C3orf20: variants seen among roughly 807,000 people sequenced by gnomAD.
C3orf20 encodes family with sequence similarity 149 member C.
A neutral mutation model predicts 88.3 loss-of-function variants in C3orf20; 76 were observed. That is an observed-to-expected ratio of 0.86 (90% CI 0.72 to 1.04). The LOEUF (loss-of-function observed/expected upper bound fraction) is 1.04, where lower values mean the gene tolerates loss of function less well. C3orf20 is among the 50% of genes least tolerant of loss of function. The pLI, the probability that C3orf20 is intolerant of heterozygous loss-of-function variation, is 0.00. For synonymous variants in C3orf20, 436 were observed against 437.4 expected (o/e 1.00, Z 0.04); for missense variants, 1,056 against 1,123.3 (o/e 0.94, Z 0.86).
intron 15 of C3orf20, among the ~76,000 whole-genome samples, chr3:14,762,010 C>A (rs1425336656): frequency 2.6e-5 from 4 of 152,222 alleles, no homozygotes; most frequent in Admixed American, 1.3e-4. Flanking sequence ...TACACCCCCT[C>A]TCTGTCCCAC....
intron 7 of C3orf20, among the ~76,000 whole-genome samples, chr3:14,707,445 TTGTGTGTGTGTGTGTGTGTG>T (rs36047273): frequency 0.011 from 1,539 of 136,434 alleles, 22 homozygotes; most frequent in African/African-American, 0.039. Context: ...GCATCTTTTC[TTGTGTGTGTGTGTGTGTGTG>T]TGTGTGTGTG....
intron 1 of C3orf20, 142 bp downstream of exon 1, chr3:14,675,394 G>C (rs750508676): frequency 6.6e-6 from 1 of 152,340 alleles, no homozygotes; most frequent in Non-Finnish European, 1.5e-5. Context: ...TTATCTTCAT[G>C]TTTAAAGTGT....
intron 13 of C3orf20, 41 bp downstream of exon 13, chr3:14,757,715 C>T (rs1376798189): frequency 6.4e-7 from 1 of 1,573,390 alleles, no homozygotes; most frequent in Non-Finnish European, 8.6e-7. Context: ...AGGCCAGGGG[C>T]AGGGGTAGTG....
Position 14,757,637 on chromosome 3 carries a change from A to G in C3orf20, c.2207A>G (p.Asn736Ser), listed in dbSNP as rs969901407. The change falls in exon 13 of 17, where the codon AAC becomes AGC. Residue 736 changes from asparagine to serine, a missense_variant. By Grantham distance (46) the Asn-to-Ser change is conservative. Transcript: ENST00000253697. ...CAGTGGCTGCTGAACACTCTCTACA[A>G]CCACCAGCAGCGGGGCCGTGGCTCC... ...QLQWLLNTLY[N>S]HQQRGRGSPC... 5 of 1,612,028 alleles carry G rather than the reference A, an allele frequency of 3.1e-6. No homozygotes were observed. The Admixed American group carries it at 6.7e-5, about 22-fold the overall frequency.
chr3:14,688,529 C>CAAAAAAAAA (rs35979290), intron 4 of C3orf20, among the ~76,000 whole-genome samples: 4 of 105,808 alleles, frequency 3.8e-5, no homozygotes, highest in Non-Finnish European at 5.4e-5. Context: ...GAGACTGTCT[C>CAAAAAAAAA]AAAAAAAAAA....
At chr3:14,737,864 C>G (rs774745014) in intron 12 of C3orf20, among the ~76,000 whole-genome samples, 6 of 152,204 alleles carry the variant, frequency 3.9e-5, no homozygotes, top group Non-Finnish European at 7.3e-5. Flanking sequence ...TTTGTCATTT[C>G]ATCAATGTTT....
At chr3:14,684,837 C>T (rs746080898) in intron 4 of C3orf20, among the ~76,000 whole-genome samples, 2 of 152,160 alleles carry the variant, frequency 1.3e-5, no homozygotes, top group Non-Finnish European at 2.9e-5. Flanking sequence ...ACAGGCTGCA[C>T]TCGAGTCATA....
At chr3:14,759,763 G>T in intron 13 of C3orf20, 128 bp from the exon 14 acceptor site, 1 of 710,554 alleles carries the variant, frequency 1.4e-6, no homozygotes, top group South Asian at 1.7e-5. Flanking sequence ...GGAGCAGGAG[G>T]AGTTGGGGAG....
Position 14,772,044 on chromosome 3 carries a change from C to T in C3orf20, c.2496-23C>T, listed in dbSNP as rs755345034. 1 of 1,613,988 alleles carries T rather than the reference C, an allele frequency of 6.2e-7. No homozygotes were observed. The highest frequency in any genetic ancestry group is 1.1e-5 in the South Asian group (1 of 91,064). On this transcript the variant is annotated intron_variant, in intron 15 of 16. Coordinates refer to ENST00000253697, the MANE Select transcript of C3orf20 (RefSeq NM_032137.5). The surrounding 1 kb of genome is among the most constrained non-coding windows in gnomAD (Gnocchi z 4.2). ...GTGCACCCTGGGCCCTGAGCACTGC[C>T]CCCGACCCTGCCTCCCCTGCAGTGT...
intron 12 of C3orf20, among the ~76,000 whole-genome samples, chr3:14,729,399 G>T (rs1014511512): frequency 6.6e-6 from 1 of 152,200 alleles, no homozygotes; most frequent in Admixed American, 6.5e-5. Flanking sequence ...TGGTATGTGT[G>T]AGAGAGTAAG....
At chr3:14,714,661 T>C (rs2033876275) in intron 8 of C3orf20, among the ~76,000 whole-genome samples, 3 of 152,216 alleles carry the variant, frequency 2.0e-5, no homozygotes, top group African/African-American at 7.2e-5. Context: ...TGAAGTGCAG[T>C]GGCATGATTA....
chr3:14,703,330 TC>T, intron 6 of C3orf20, 68 bp downstream of exon 6: 1 of 1,604,262 alleles, frequency 6.2e-7, no homozygotes, highest in South Asian at 1.1e-5. Context: ...CAGCTGGGAG[TC>T]CCTGTGTATA....
rs763554370 is a variant in C3orf20, at chr3:14,684,279, G to T, written c.522G>T (p.Val174=). The change falls in exon 4 of 17, where the codon GTG becomes GTT. Residue 174 remains valine, a synonymous_variant. Coordinates refer to ENST00000253697, the MANE Select transcript of C3orf20 (RefSeq NM_032137.5). The part of the protein sequence containing the change: ...ANPLDITRRF[V]EASQLLHLNA... ...CCTTGGACATCACCAGGCGCTTTGT[G>T]GAGGCCAGCCAGCTCCTCCACCTCA... 1 of 1,614,056 alleles carries T rather than the reference G, an allele frequency of 6.2e-7. No individual in the cohort carries two copies. Among genetic ancestry groups the T allele is most frequent in the South Asian group, 1.1e-5 (1 of 91,086 alleles).
Position 14,772,714 on chromosome 3 carries a change from T to C in C3orf20, c.2631-77T>C, listed in dbSNP as rs930486253. The C allele has an allele frequency of 8.9e-5, 110 of 1,234,204 alleles. 3 individuals carry two copies. The South Asian group carries it at 9.2e-4, about 10-fold the overall frequency. 76.5% of individuals were successfully genotyped at this position (1,234,204 alleles called of 1,614,324 possible). A position where few individuals can be genotyped will look rare whatever the true frequency, so the allele number is the denominator to read the frequency against. On this transcript the variant is annotated intron_variant, in intron 16 of 16. Coordinates refer to ENST00000253697, the MANE Select transcript of C3orf20 (RefSeq NM_032137.5). The surrounding 1 kb of genome is among the most constrained non-coding windows in gnomAD (Gnocchi z 4.2). ...GCAAGGGAGAGGGCCTTGCCCCTCC[T>C]GGCCCAACCGGGCCTGGGCTCTGGG...
intron 12 of C3orf20, among the ~76,000 whole-genome samples, chr3:14,745,593 G>A (rs2035035900): frequency 6.6e-6 from 1 of 151,972 alleles, no homozygotes; most frequent in East Asian, 1.9e-4. Flanking sequence ...ATATACATTT[G>A]TGATATCACA....
intron 6 of C3orf20, among the ~76,000 whole-genome samples, chr3:14,704,081 A>C (rs1262259385): frequency 6.6e-6 from 1 of 152,040 alleles, no homozygotes; most frequent in East Asian, 1.9e-4. Flanking sequence ...ACTTCCACAC[A>C]CACTCCTACT....
At chr3:14,718,353 C>A (rs868075898) in intron 9 of C3orf20, among the ~76,000 whole-genome samples, 1 of 152,098 alleles carries the variant, frequency 6.6e-6, no homozygotes, top group Non-Finnish European at 1.5e-5. Flanking sequence ...TTTAAAATTT[C>A]AGATTTACAT....
At chr3:14,738,164 C>CT (rs35948176) in intron 12 of C3orf20, among the ~76,000 whole-genome samples, 38,906 of 107,326 alleles carry the variant, frequency 0.36, 8,494 homozygotes, top group East Asian at 0.48. Context: ...ACAAATATTC[C>CT]TTTTTTTTTT....
chr3:14,767,093 G>A (rs1575166856), intron 15 of C3orf20: 1 of 152,364 alleles, frequency 6.6e-6, no homozygotes, highest in East Asian at 1.9e-4. Context: ...ATCTACCTAG[G>A]ACTGGAGCTA....
Sources: allele counts gnomAD v4.1 joint callset (sites outside exome capture counted in the v4.1 genomes callset), GRCh38; gene constraint gnomAD v4.1.1; non-coding constraint Gnocchi (gnomAD v3.1); transcripts MANE v1.5; gene names NCBI Gene and HGNC (gene_info 2026-07-23, HGNC 2026-07-21).